BMAL1: variants seen among roughly 807,000 people sequenced by gnomAD.
The protein encoded by BMAL1 is basic helix-loop-helix ARNT like 1.
At chr11:13,354,000 C>T in the BMAL1 span, among the ~76,000 whole-genome samples, 1 of 152,156 alleles carries the variant, frequency 6.6e-6, no homozygotes, top group Non-Finnish European at 1.5e-5. Context: ...CACGCCACAG[C>T]ACAGGGACCG....
chr11:13,288,836 G>A, the BMAL1 span, among the ~76,000 whole-genome samples: 2 of 152,206 alleles, frequency 1.3e-5, no homozygotes, highest in African/African-American at 4.8e-5. Context: ...GATTTCTAGA[G>A]TGCGGTGAAC....
At chr11:13,288,768 G>A in the BMAL1 span, among the ~76,000 whole-genome samples, 6 of 152,154 alleles carry the variant, frequency 3.9e-5, no homozygotes, top group Non-Finnish European at 7.3e-5. Flanking sequence ...AGAGAAGCCA[G>A]AACTGAGAAT....
chr11:13,312,037 A>G, the BMAL1 span, among the ~76,000 whole-genome samples: 1 of 152,154 alleles, frequency 6.6e-6, no homozygotes, highest in South Asian at 2.1e-4. Context: ...CTTTGGTTTG[A>G]ATTCTAAGTA....
chr11:13,330,935 T>C, the BMAL1 span, among the ~76,000 whole-genome samples: 35 of 152,196 alleles, frequency 2.3e-4, no homozygotes, highest in Non-Finnish European at 3.4e-4. Flanking sequence ...CGTAGTGTAC[T>C]AGAGCTACAA....
chr11:13,358,679 G>A, the BMAL1 span: 2 of 1,318,794 alleles, frequency 1.5e-6, no homozygotes, highest in Non-Finnish European at 2.0e-6. Flanking sequence ...TAAGGCAGAT[G>A]TTTATTACTT....
the BMAL1 span, chr11:13,358,691 C>T: frequency 3.2e-6 from 4 of 1,256,298 alleles, no homozygotes; most frequent in South Asian, 8.7e-5. Context: ...TTATTACTTG[C>T]AATTATGTAG....
At chr11:13,375,854 T>C in the BMAL1 span, 1 of 1,248,088 alleles carries the variant, frequency 8.0e-7, no homozygotes, top group Non-Finnish European at 1.1e-6. Context: ...CAACATCCAG[T>C]ATCACATCCT....
At chr11:13,365,203 C>T in the BMAL1 span, among the ~76,000 whole-genome samples, 16 of 151,990 alleles carry the variant, frequency 1.1e-4, no homozygotes, top group African/African-American at 2.9e-4. Context: ...CAAAAGAACA[C>T]GTGCAAGCTG....
chr11:13,350,629 A>G, the BMAL1 span, among the ~76,000 whole-genome samples: 8 of 152,218 alleles, frequency 5.3e-5, no homozygotes, highest in Non-Finnish European at 1.0e-4. Flanking sequence ...GTTAGTGGCA[A>G]TGGGATGCAT....
chr11:13,378,746 G>A, the BMAL1 span: 167 of 331,618 alleles, frequency 5.0e-4, no homozygotes, highest in Non-Finnish European at 7.0e-4. Flanking sequence ...ATAGCCCAGC[G>A]CTAAAGAGAA....
At chr11:13,277,563 C>T in the BMAL1 span, 1 of 152,116 alleles carries the variant, frequency 6.6e-6, no homozygotes, top group Non-Finnish European at 1.5e-5. Flanking sequence ...GCCTCTCTAG[C>T]CGCCACACAA....
the BMAL1 span, among the ~76,000 whole-genome samples, chr11:13,289,654 T>C: frequency 6.6e-6 from 1 of 152,216 alleles, no homozygotes; most frequent in Admixed American, 6.5e-5. Flanking sequence ...GTCCTTGTGA[T>C]AGTTTGCTCA....
chr11:13,326,842 C>T, the BMAL1 span, among the ~76,000 whole-genome samples: 1 of 151,228 alleles, frequency 6.6e-6, no homozygotes, highest in African/African-American at 2.4e-5. Context: ...TTTTTTGAGA[C>T]AGAGTCTCGC....
the BMAL1 span, among the ~76,000 whole-genome samples, chr11:13,359,202 C>T: frequency 6.6e-6 from 1 of 152,122 alleles, no homozygotes. Context: ...AGTGACTTAT[C>T]CAAACCACAA....
At chr11:13,322,133 T>G in the BMAL1 span, among the ~76,000 whole-genome samples, 3 of 152,194 alleles carry the variant, frequency 2.0e-5, no homozygotes, top group African/African-American at 7.2e-5. Context: ...GACTCCCTGA[T>G]GCTTGTTCTT....
chr11:13,385,355 G>C, the BMAL1 span, among the ~76,000 whole-genome samples: 2 of 152,148 alleles, frequency 1.3e-5, no homozygotes, highest in Non-Finnish European at 2.9e-5. Context: ...TTCCCTTATA[G>C]GGGAAACGTC....
chr11:13,381,205 AC>A, the BMAL1 span: 1 of 1,614,204 alleles, frequency 6.2e-7, no homozygotes, highest in Non-Finnish European at 8.5e-7. Context: ...AGCCCATTGA[AC>A]ATCACGAGTA....
At chr11:13,381,028 A>C in the BMAL1 span, 67 of 766,378 alleles carry the variant, frequency 8.7e-5, 1 homozygote, top group Non-Finnish European at 1.3e-4. Context: ...AGAGCCTACT[A>C]TCTGGCCCCT....
chr11:13,355,037 A>G, the BMAL1 span: 1 of 452,582 alleles, frequency 2.2e-6, no homozygotes, highest in Non-Finnish European at 4.0e-6. Context: ...ACTTACAGTC[A>G]TCCCTTCTAT....
Sources: gnomAD v4.1 joint callset for allele counts (sites outside exome capture counted in the v4.1 genomes callset) on GRCh38, gnomAD v4.1.1 for gene constraint, MANE v1.5 for transcripts, NCBI Gene and HGNC (gene_info 2026-07-23, HGNC 2026-07-21) for gene names.